The following PAPPA variants were observed in gnomAD, a reference collection of about 807,000 sequenced individuals.
PAPPA encodes pappalysin 1.
A neutral mutation model predicts 164.0 loss-of-function variants in PAPPA; 60 were observed. That is an observed-to-expected ratio of 0.37 (90% CI 0.30 to 0.45). The LOEUF is 0.45. PAPPA is among the 20% of genes least tolerant of loss of function. PAPPA has a pLI of 1.00. For synonymous variants in PAPPA, 875 were observed against 814.1 expected, an observed-to-expected ratio of 1.07 and a Z score of -1.27; for missense variants, 1,782 against 2,087.3, an observed-to-expected ratio of 0.85 and a Z score of 2.85.
intron 18 of PAPPA, among the ~76,000 whole-genome samples, 176 bp from the exon 19 acceptor site, chr9:116,367,469 G>A (rs1456773708): frequency 6.6e-6 from 1 of 152,232 alleles, no homozygotes; most frequent in East Asian, 1.9e-4. Flanking sequence ...TGTGAATGGA[G>A]TCAGGGAGAA....
intron 10 of PAPPA, among the ~76,000 whole-genome samples, chr9:116,329,162 A>C (rs1325038633): frequency 6.6e-6 from 1 of 152,166 alleles, no homozygotes; most frequent in East Asian, 1.9e-4. Context: ...CCAGGATGGA[A>C]TATAGCATAG....
chr9:116,268,246 C>T (rs2118819125), intron 8 of PAPPA, among the ~76,000 whole-genome samples: 1 of 152,288 alleles, frequency 6.6e-6, no homozygotes, highest in East Asian at 1.9e-4. Flanking sequence ...ATTTAAGATC[C>T]ACATTCATAT....
At chr9:116,351,970 G>A (rs1188694141) in intron 15 of PAPPA, among the ~76,000 whole-genome samples, 7 of 152,184 alleles carry the variant, frequency 4.6e-5, no homozygotes, top group African/African-American at 1.4e-4. Flanking sequence ...TAGGCGGGCT[G>A]TGCCTCGATA....
chr9:116,223,681 T>G (rs762451078), intron 5 of PAPPA, among the ~76,000 whole-genome samples: 14 of 152,200 alleles, frequency 9.2e-5, no homozygotes, highest in Non-Finnish European at 1.8e-4. Flanking sequence ...TTCAATAAAT[T>G]GTTGTAAAGA....
chr9:116,208,457 G>A (rs1370099621), intron 3 of PAPPA, among the ~76,000 whole-genome samples: 1 of 152,010 alleles, frequency 6.6e-6, no homozygotes, highest in African/African-American at 2.4e-5. Flanking sequence ...GCACCCTTGT[G>A]GGTTATTTTC....
chr9:116,322,005 C>T (rs930516464), intron 10 of PAPPA, among the ~76,000 whole-genome samples: 1 of 152,178 alleles, frequency 6.6e-6, no homozygotes, highest in African/African-American at 2.4e-5. Context: ...GCAGGCTGAT[C>T]AATGCCTACC....
chr9:116,307,817 C>T (rs1587996823), intron 10 of PAPPA, among the ~76,000 whole-genome samples: 1 of 151,924 alleles, frequency 6.6e-6, no homozygotes, highest in East Asian at 1.9e-4. Context: ...GACATGGAAA[C>T]CTTGAGTAAG....
At position 116,260,488 on chromosome 9, in the gene PAPPA, T is replaced by C. The variant is rs573990132; in HGVS notation, c.2733-5369T>C. ...TACCCTCTGGTTCTTAGCTCAAGGC[T>C]ACACTGGAATACTTGGACTCTTCCT... On this transcript the variant is annotated intron_variant, in intron 7 of 21. Coordinates refer to ENST00000328252, the MANE Select transcript of PAPPA (RefSeq NM_002581.5). Among the ~76,000 whole-genome samples the C allele has an allele frequency of 7.2e-5, 11 of 152,322 alleles. No individual in the cohort carries two copies. In the East Asian group the frequency reaches 1.7e-3, roughly 24 times the overall value.
intron 7 of PAPPA, among the ~76,000 whole-genome samples, chr9:116,259,298 A>T (rs1461875101): frequency 6.6e-6 from 1 of 152,020 alleles, no homozygotes; most frequent in Non-Finnish European, 1.5e-5. Flanking sequence ...CATACGAAAA[A>T]CACAAATCAT....
intron 2 of PAPPA, among the ~76,000 whole-genome samples, chr9:116,189,837 T>C (rs1844020684): frequency 6.6e-6 from 1 of 152,182 alleles, no homozygotes; most frequent in Admixed American, 6.5e-5. Context: ...GGGCCTCCCG[T>C]GCGTGAACAA....
intron 10 of PAPPA, among the ~76,000 whole-genome samples, chr9:116,305,642 T>G (rs1463656872): frequency 6.6e-6 from 1 of 152,216 alleles, no homozygotes; most frequent in African/African-American, 2.4e-5. Context: ...CCCTTGTCAT[T>G]CTTCAAGGTA....
intron 10 of PAPPA, among the ~76,000 whole-genome samples, chr9:116,326,765 AC>A (rs1397332289): frequency 6.6e-6 from 1 of 152,166 alleles, no homozygotes; most frequent in African/African-American, 2.4e-5. Context: ...CCTAGCAACC[AC>A]CATTCATTTT....
intron 1 of PAPPA, among the ~76,000 whole-genome samples, chr9:116,183,921 T>C (rs771011828): frequency 2.0e-5 from 3 of 152,146 alleles, no homozygotes; most frequent in Non-Finnish European, 2.9e-5. Flanking sequence ...ACCCTACAGA[T>C]GTGTAAACAT....
chr9:116,270,298 G>A lies in PAPPA; in HGVS notation c.2862-1027G>A, dbSNP rs1259955847. On this transcript the variant is annotated intron_variant, in intron 8 of 21. Coordinates refer to ENST00000328252, the MANE Select transcript of PAPPA (RefSeq NM_002581.5). The stretch of plus-strand genomic sequence containing the variant: ...GAAGTTCAGCATCCACAGGAGCACT[G>A]TTCAATGGATTTTTCTGCAATGATG... Among the ~76,000 whole-genome samples, 11 of 152,312 alleles carry A rather than the reference G, an allele frequency of 7.2e-5. 2 individuals carry two copies. In the Middle Eastern group the frequency reaches 0.031, roughly 424 times the overall value.
chr9:116,316,978 A>C (rs766382298), intron 10 of PAPPA, among the ~76,000 whole-genome samples: 3 of 151,994 alleles, frequency 2.0e-5, no homozygotes, highest in African/African-American at 4.8e-5. Flanking sequence ...GAGACAATGC[A>C]CTCTGCATGA....
chr9:116,215,368 A>T (rs1844357448), intron 4 of PAPPA, among the ~76,000 whole-genome samples: 1 of 152,160 alleles, frequency 6.6e-6, no homozygotes, highest in South Asian at 2.1e-4. Context: ...TTAATAATAG[A>T]CTGGATAAAG....
At chr9:116,284,498 C>G (rs1264010280) in intron 9 of PAPPA, among the ~76,000 whole-genome samples, 1 of 150,442 alleles carries the variant, frequency 6.6e-6, no homozygotes, top group Non-Finnish European at 1.5e-5. Flanking sequence ...TTCTCATTCT[C>G]CATTCTCTCC....
intron 19 of PAPPA, among the ~76,000 whole-genome samples, chr9:116,370,275 C>A (rs748613237): frequency 3.9e-5 from 6 of 152,138 alleles, no homozygotes; most frequent in African/African-American, 1.4e-4. Flanking sequence ...CTACCACACA[C>A]GTACGACCAC....
intron 10 of PAPPA, among the ~76,000 whole-genome samples, chr9:116,326,533 A>C (rs1433799319): frequency 2.0e-5 from 3 of 152,212 alleles, no homozygotes; most frequent in Non-Finnish European, 2.9e-5. Context: ...ATCAACATTG[A>C]ATGTCAACAT....
Sources: gnomAD v4.1 joint callset for allele counts (sites outside exome capture counted in the v4.1 genomes callset) on GRCh38, gnomAD v4.1.1 for gene constraint, MANE v1.5 for transcripts, NCBI Gene and HGNC (gene_info 2026-07-23, HGNC 2026-07-21) for gene names.